MBD5: variants seen among roughly 807,000 people sequenced by gnomAD.
MBD5 encodes the protein methyl-CpG binding domain protein 5.
Under a neutral mutation model 117.3 loss-of-function variants are expected in MBD5, and 13 were observed. That is an observed-to-expected ratio of 0.11 (90% CI 0.07 to 0.18). The LOEUF is 0.18. MBD5 is among the 10% of genes least tolerant of loss of function. MBD5 has a pLI of 1.00. For missense variants in MBD5, 1,879 were observed against 2,093.8 expected, an observed-to-expected ratio of 0.90 and a Z score of 2.00; for synonymous variants, 727 against 766.4, an observed-to-expected ratio of 0.95 and a Z score of 0.85.
intron 3 of MBD5, among the ~76,000 whole-genome samples, chr2:148,252,529 G>C (rs1700491864): frequency 6.6e-6 from 1 of 152,102 alleles, no homozygotes; most frequent in Non-Finnish European, 1.5e-5. Flanking sequence ...TGAAATACCA[G>C]ATATCATGTA....
At chr2:148,164,552 G>T (rs2105764746) in intron 1 of MBD5, among the ~76,000 whole-genome samples, 1 of 152,084 alleles carries the variant, frequency 6.6e-6, no homozygotes, top group Admixed American at 6.5e-5. Context: ...GATATAACTA[G>T]TGTTATAATT....
intron 1 of MBD5, among the ~76,000 whole-genome samples, chr2:148,160,299 T>C (rs892486016): frequency 2.0e-5 from 3 of 151,880 alleles, no homozygotes; most frequent in Non-Finnish European, 2.9e-5. Flanking sequence ...TTGGGAGGCT[T>C]AGGCAGGAGA....
At chr2:148,159,769 T>A (rs978699440) in intron 1 of MBD5, among the ~76,000 whole-genome samples, 2 of 152,140 alleles carry the variant, frequency 1.3e-5, no homozygotes, top group African/African-American at 4.8e-5. Context: ...CCTTTGCAGG[T>A]ACTAACCCTT....
At chr2:148,037,951 C>G (rs769445527) in intron 1 of MBD5, among the ~76,000 whole-genome samples, 1 of 151,776 alleles carries the variant, frequency 6.6e-6, no homozygotes, top group African/African-American at 2.4e-5. Context: ...TTAGAGAATG[C>G]AGATACAAGT....
At chr2:148,142,315 A>G (rs1014107745) in intron 1 of MBD5, among the ~76,000 whole-genome samples, 1 of 152,228 alleles carries the variant, frequency 6.6e-6, no homozygotes, top group African/African-American at 2.4e-5. Context: ...AAATTTCATC[A>G]TAATGGAGAT....
chr2:148,356,480 T>G (rs1703383684), intron 4 of MBD5, among the ~76,000 whole-genome samples: 1 of 152,190 alleles, frequency 6.6e-6, no homozygotes, highest in Admixed American at 6.5e-5. Context: ...CTGTTCTAAC[T>G]AATTTAATCC....
intron 11 of MBD5, among the ~76,000 whole-genome samples, chr2:148,498,945 T>G (rs1335601872): frequency 6.6e-6 from 1 of 152,194 alleles, no homozygotes; most frequent in African/African-American, 2.4e-5. Context: ...AAACTATTTA[T>G]GTTGAAGAAT....
At chr2:148,509,690 GAGAA>G (rs1574506378) in intron 12 of MBD5, among the ~76,000 whole-genome samples, 2 of 152,192 alleles carry the variant, frequency 1.3e-5, no homozygotes, top group Non-Finnish European at 2.9e-5. Context: ...CAGGCTGACT[GAGAA>G]AGAAACAAGA....
At chr2:148,506,194 G>A (rs527238038) in intron 12 of MBD5, among the ~76,000 whole-genome samples, 1 of 152,090 alleles carries the variant, frequency 6.6e-6, no homozygotes, top group Admixed American at 6.5e-5. Context: ...TTATATCCTA[G>A]TAGTAACATA....
intron 1 of MBD5, among the ~76,000 whole-genome samples, chr2:148,149,208 C>T (rs1322730527): frequency 1.1e-4 from 16 of 140,308 alleles, no homozygotes; most frequent in African/African-American, 3.0e-4. Flanking sequence ...TTTGTTCTTG[C>T]GATAGTTTAC....
intron 1 of MBD5, among the ~76,000 whole-genome samples, chr2:148,123,630 C>T (rs183004100): frequency 1.0e-3 from 156 of 152,274 alleles, no homozygotes; most frequent in Admixed American, 1.3e-3. Context: ...TAGAAATGTT[C>T]ACCAGACAAC....
chr2:148,150,265 A>C (rs1574068707), intron 1 of MBD5, among the ~76,000 whole-genome samples: 1 of 148,894 alleles, frequency 6.7e-6, no homozygotes, highest in African/African-American at 2.5e-5. Flanking sequence ...ATGCGGCGTT[A>C]TTTCTGAGGG....
At chr2:148,133,535 C>T (rs1407619632) in intron 1 of MBD5, among the ~76,000 whole-genome samples, 1 of 152,008 alleles carries the variant, frequency 6.6e-6, no homozygotes, top group Non-Finnish European at 1.5e-5. Context: ...TAAATAAAAC[C>T]ATACTAGGCC....
chr2:148,421,438 G>C (rs562635002), intron 4 of MBD5, among the ~76,000 whole-genome samples: 2 of 152,304 alleles, frequency 1.3e-5, no homozygotes, highest in African/African-American at 4.8e-5. Flanking sequence ...CCGCAGACCA[G>C]GAGATTCTCT....
At chr2:148,333,793 G>A (rs955559892) in intron 3 of MBD5, among the ~76,000 whole-genome samples, 1 of 152,012 alleles carries the variant, frequency 6.6e-6, no homozygotes, top group African/African-American at 2.4e-5. Context: ...AGGAGGTGGA[G>A]GTTGCAGTGA....
At chr2:148,122,776 A>G (rs1696799774) in intron 1 of MBD5, among the ~76,000 whole-genome samples, 1 of 152,214 alleles carries the variant, frequency 6.6e-6, no homozygotes, top group South Asian at 2.1e-4. Context: ...GAATAAGCGA[A>G]TAATTATGTT....
intron 3 of MBD5, among the ~76,000 whole-genome samples, chr2:148,283,806 G>C (rs986308352): frequency 6.6e-6 from 1 of 152,154 alleles, no homozygotes; most frequent in African/African-American, 2.4e-5. Context: ...CAGAAAAAAA[G>C]TTAGCACACA....
chr2:148,091,737 C>T (rs1695949145), intron 1 of MBD5, among the ~76,000 whole-genome samples: 1 of 152,128 alleles, frequency 6.6e-6, no homozygotes, highest in Non-Finnish European at 1.5e-5. Flanking sequence ...CTCTACTAGA[C>T]ATTGGCTTAG....
At chr2:148,356,739 A>G (rs1333452773) in intron 4 of MBD5, among the ~76,000 whole-genome samples, 3 of 152,030 alleles carry the variant, frequency 2.0e-5, no homozygotes, top group Non-Finnish European at 4.4e-5. Flanking sequence ...ATTATATAAA[A>G]CATTCTGGTG....
Sources: allele counts gnomAD v4.1 joint callset (sites outside exome capture counted in the v4.1 genomes callset), GRCh38; gene constraint gnomAD v4.1.1; transcripts MANE v1.5; gene names NCBI Gene and HGNC (gene_info 2026-07-23, HGNC 2026-07-21).